Variants in CRACD observed in about 807,000 individuals in gnomAD.
CRACD encodes capping protein inhibiting regulator of actin dynamics.
A neutral mutation model predicts 106.8 loss-of-function variants in CRACD; 56 were observed. The ratio of observed to expected loss-of-function variants is 0.52; its 90% CI spans 0.42 to 0.66. The LOEUF (loss-of-function observed/expected upper bound fraction) is 0.66, where lower values mean the gene tolerates loss of function less well. CRACD is among the 30% of genes least tolerant of loss of function. The pLI, the probability that CRACD is intolerant of heterozygous loss-of-function variation, is 0.00. For synonymous variants in CRACD, 754 were observed against 670.8 expected (o/e 1.12, Z -1.92); for missense variants, 1,730 against 1,623.2 (o/e 1.07, Z -1.13).
chr4:56,294,934 A>G (rs1743915400), intron 3 of CRACD, among the ~76,000 whole-genome samples: 1 of 126,530 alleles, frequency 7.9e-6, no homozygotes, highest in Non-Finnish European at 1.7e-5. Flanking sequence ...AAAAAAAAAA[A>G]GTAAAAAGAA....
At chr4:56,144,588 T>C (rs1735313004) in intron 1 of CRACD, among the ~76,000 whole-genome samples, 1 of 152,194 alleles carries the variant, frequency 6.6e-6, no homozygotes, top group Admixed American at 6.5e-5. Flanking sequence ...TTTCTACCTC[T>C]TTCTGAAAAC....
At chr4:56,079,321 C>CA (rs1426413608) in intron 1 of CRACD, among the ~76,000 whole-genome samples, 9 of 151,126 alleles carry the variant, frequency 6.0e-5, no homozygotes, top group East Asian at 5.8e-4. Flanking sequence ...AGGAAGATTT[C>CA]AAAAAAATTT....
chr4:56,070,398 C>G (rs1238528972), intron 1 of CRACD, among the ~76,000 whole-genome samples: 1 of 151,316 alleles, frequency 6.6e-6, no homozygotes, highest in Non-Finnish European at 1.5e-5. Flanking sequence ...CTCCCGGGTT[C>G]ACGCCATTCT....
chr4:56,174,124 A>ATT, intron 1 of CRACD, among the ~76,000 whole-genome samples: 1 of 152,274 alleles, frequency 6.6e-6, no homozygotes, highest in Non-Finnish European at 1.5e-5. Flanking sequence ...TGGCAACACC[A>ATT]TTTTTTTAAA....
At chr4:56,101,056 G>A (rs192799880) in intron 1 of CRACD, among the ~76,000 whole-genome samples, 5 of 152,244 alleles carry the variant, frequency 3.3e-5, no homozygotes, top group Admixed American at 6.5e-5. Context: ...GAATAGGGAA[G>A]TGGAATTTTC....
At chr4:56,171,464 G>A (rs1183448832) in intron 1 of CRACD, among the ~76,000 whole-genome samples, 2 of 152,150 alleles carry the variant, frequency 1.3e-5, no homozygotes, top group African/African-American at 4.8e-5. Context: ...ATCAGAGACT[G>A]GTGGGTGTCA....
At chr4:56,259,762 A>T (rs59824589) in intron 2 of CRACD, among the ~76,000 whole-genome samples, 2 of 151,804 alleles carry the variant, frequency 1.3e-5, no homozygotes, top group African/African-American at 2.4e-5. Flanking sequence ...CTGCCTCTCA[A>T]TCAACAGGCA....
intron 2 of CRACD, among the ~76,000 whole-genome samples, chr4:56,203,986 G>T (rs1738005399): frequency 6.6e-6 from 1 of 152,218 alleles, no homozygotes; most frequent in African/African-American, 2.4e-5. Context: ...AGCCCCCTGG[G>T]CCCATGACTT....
intron 2 of CRACD, among the ~76,000 whole-genome samples, chr4:56,214,805 G>A (rs1323929487): frequency 6.6e-6 from 1 of 151,590 alleles, no homozygotes; most frequent in Non-Finnish European, 1.5e-5. Context: ...GAGGTCAGGA[G>A]TTCGAGACAA....
chr4:56,155,714 A>G (rs1318793169), intron 1 of CRACD, among the ~76,000 whole-genome samples: 1 of 152,192 alleles, frequency 6.6e-6, no homozygotes, highest in East Asian at 1.9e-4. Context: ...CGGTTGAAAC[A>G]TTTGTGTGCA....
intron 1 of CRACD, among the ~76,000 whole-genome samples, chr4:56,149,303 G>C (rs113871403): frequency 0.013 from 2,048 of 152,188 alleles, 65 homozygotes; most frequent in East Asian, 0.12. Context: ...TTGTAAAACT[G>C]ATTAGAGTTA....
chr4:56,070,766 C>G (rs942062493), intron 1 of CRACD, among the ~76,000 whole-genome samples: 1 of 151,614 alleles, frequency 6.6e-6, no homozygotes, highest in Non-Finnish European at 1.5e-5. Flanking sequence ...TCCAGCCCCC[C>G]TGCCGTTTCT....
At chr4:56,095,027 A>G (rs1435465519) in intron 1 of CRACD, among the ~76,000 whole-genome samples, 1 of 152,328 alleles carries the variant, frequency 6.6e-6, no homozygotes, top group Non-Finnish European at 1.5e-5. Context: ...CCCTACTGGT[A>G]AACACTATTT....
At chr4:56,132,519 A>G (rs114144706) in intron 1 of CRACD, among the ~76,000 whole-genome samples, 3,582 of 151,856 alleles carry the variant, frequency 0.024, 59 homozygotes, top group Admixed American at 0.056. Flanking sequence ...ATTTTTTTGT[A>G]TTTTTTGTAG....
At chr4:56,092,723 T>C (rs901879723) in intron 1 of CRACD, among the ~76,000 whole-genome samples, 2 of 152,122 alleles carry the variant, frequency 1.3e-5, no homozygotes, top group Middle Eastern at 3.2e-3. Context: ...CACTTCAGTC[T>C]TCCCGGTAGC....
At chr4:56,214,478 G>A (rs993802218) in intron 2 of CRACD, among the ~76,000 whole-genome samples, 5 of 151,776 alleles carry the variant, frequency 3.3e-5, no homozygotes, top group Non-Finnish European at 7.4e-5. Flanking sequence ...TGTAATCCCA[G>A]CTACTTGGGA....
intron 1 of CRACD, among the ~76,000 whole-genome samples, chr4:56,071,731 A>C (rs573578186): frequency 9.4e-4 from 143 of 152,034 alleles, no homozygotes; most frequent in African/African-American, 3.3e-3. Flanking sequence ...GGCTGGTTTC[A>C]AATTCCCAAC....
At chr4:56,274,117 G>T (rs186890850) in intron 3 of CRACD, among the ~76,000 whole-genome samples, 4 of 152,252 alleles carry the variant, frequency 2.6e-5, no homozygotes, top group East Asian at 3.9e-4. Flanking sequence ...TTAATTTGAC[G>T]CAGGGAAAGA....
intron 1 of CRACD, among the ~76,000 whole-genome samples, chr4:56,099,129 A>T (rs1043306581): frequency 1.3e-5 from 2 of 152,210 alleles, no homozygotes; most frequent in African/African-American, 4.8e-5. Flanking sequence ...GTGACTGTGG[A>T]CCTCTGAATA....
Sources: gnomAD v4.1 joint callset for allele counts (sites outside exome capture counted in the v4.1 genomes callset) on GRCh38, gnomAD v4.1.1 for gene constraint, MANE v1.5 for transcripts, NCBI Gene and HGNC (gene_info 2026-07-23, HGNC 2026-07-21) for gene names.